SLC25A21: variants seen among roughly 807,000 people sequenced by gnomAD.
The protein encoded by SLC25A21 is mitochondrial 2-oxodicarboxylate carrier.
SLC25A21 carries 47 observed loss-of-function variants against 43.8 expected under a neutral mutation model. That is an observed-to-expected ratio of 1.07 (90% CI 0.85 to 1.37). The LOEUF (loss-of-function observed/expected upper bound fraction) is 1.37. Ranked by LOEUF, SLC25A21 falls within the 40% of genes most tolerant of loss-of-function variation. The pLI is 0.00. For synonymous variants in SLC25A21, 131 were observed against 121.3 expected, an observed-to-expected ratio of 1.08 and a Z score of -0.52; for missense variants, 352 against 350.2, an observed-to-expected ratio of 1.00 and a Z score of -0.04.
chr14:36,893,001 A>G (rs1891122438), intron 1 of SLC25A21, among the ~76,000 whole-genome samples: 2 of 152,178 alleles, frequency 1.3e-5, no homozygotes, highest in Admixed American at 6.5e-5. Flanking sequence ...TAGTGCTGCA[A>G]TAAACATACG....
At chr14:37,071,745 T>C (rs954765280) in intron 1 of SLC25A21, among the ~76,000 whole-genome samples, 2 of 152,224 alleles carry the variant, frequency 1.3e-5, no homozygotes, top group African/African-American at 4.8e-5. Flanking sequence ...GATTCAATTT[T>C]TTAAACTACT....
At chr14:36,749,486 T>C (rs1425218262) in intron 3 of SLC25A21, among the ~76,000 whole-genome samples, 1 of 152,168 alleles carries the variant, frequency 6.6e-6, no homozygotes, top group Non-Finnish European at 1.5e-5. Context: ...AGAATGCTCC[T>C]ATTAAAATAA....
chr14:36,809,068 G>T (rs1028749229), intron 3 of SLC25A21: 1 of 152,172 alleles, frequency 6.6e-6, no homozygotes, highest in Non-Finnish European at 1.5e-5. Flanking sequence ...GAAGTGAGGC[G>T]TGATGCATGG....
chr14:37,112,417 A>C (rs1220023770), intron 1 of SLC25A21, among the ~76,000 whole-genome samples: 1 of 152,226 alleles, frequency 6.6e-6, no homozygotes, highest in Non-Finnish European at 1.5e-5. Context: ...ATGAAGTAAC[A>C]AAAATCAGAA....
chr14:36,862,943 G>T (rs1890115281), intron 2 of SLC25A21, among the ~76,000 whole-genome samples: 1 of 152,118 alleles, frequency 6.6e-6, no homozygotes. Context: ...ATCTCATAGG[G>T]AAACTTGTGA....
At chr14:36,814,910 G>A (rs369127545) in intron 2 of SLC25A21, among the ~76,000 whole-genome samples, 9 of 152,156 alleles carry the variant, frequency 5.9e-5, no homozygotes, top group African/African-American at 2.2e-4. Flanking sequence ...CAAAGACTTG[G>A]AACCAACCCA....
chr14:37,142,695 G>T (rs1291271455), intron 1 of SLC25A21, among the ~76,000 whole-genome samples: 4 of 152,176 alleles, frequency 2.6e-5, no homozygotes, highest in Non-Finnish European at 4.4e-5. Flanking sequence ...ATGAATAGAA[G>T]TGACAGAAGA....
intron 2 of SLC25A21, among the ~76,000 whole-genome samples, chr14:36,822,566 G>GA (rs1888673553): frequency 6.6e-6 from 1 of 152,088 alleles, no homozygotes; most frequent in South Asian, 2.1e-4. Context: ...TTTATAATTT[G>GA]AAAAAATATG....
Position 36,751,597 on chromosome 14 carries a change from C to A in SLC25A21, c.204-17024G>T, listed in dbSNP as rs192480344. Among the ~76,000 whole-genome samples, 15 of 152,322 alleles carry A rather than the reference C, an allele frequency of 9.8e-5. No homozygotes were observed. In the East Asian group the frequency reaches 2.3e-3, roughly 23 times the overall value. ...TGGGGCTCTTTTTCCCCAAGGACTT[C>A]CACAATCCTCAGATATAATCTATAC... On this transcript the variant is annotated intron_variant, in intron 3 of 9. Transcript: ENST00000331299.
At chr14:36,735,793 G>A (rs1321184449) in intron 3 of SLC25A21, among the ~76,000 whole-genome samples, 1 of 146,902 alleles carries the variant, frequency 6.8e-6, no homozygotes, top group African/African-American at 2.6e-5. Flanking sequence ...GCACCCTTTG[G>A]GGTTCTTATC....
intron 7 of SLC25A21, among the ~76,000 whole-genome samples, chr14:36,689,755 A>C (rs1002393782): frequency 6.6e-6 from 1 of 152,216 alleles, no homozygotes; most frequent in Non-Finnish European, 1.5e-5. Flanking sequence ...AGACCAGTGA[A>C]TCTGGGAATG....
intron 1 of SLC25A21, among the ~76,000 whole-genome samples, chr14:36,958,780 C>T (rs1394636379): frequency 6.6e-6 from 1 of 152,134 alleles, no homozygotes; most frequent in East Asian, 1.9e-4. Flanking sequence ...TAAAAACTTA[C>T]ATGAGGCAGC....
chr14:37,047,550 A>AG (rs1251552864), intron 1 of SLC25A21, among the ~76,000 whole-genome samples: 3 of 152,226 alleles, frequency 2.0e-5, no homozygotes, highest in African/African-American at 7.2e-5. Context: ...AAAGTAATTA[A>AG]GTAAATGCTG....
chr14:36,849,185 T>C (rs1481670457), intron 2 of SLC25A21, among the ~76,000 whole-genome samples: 2 of 152,202 alleles, frequency 1.3e-5, no homozygotes, highest in African/African-American at 4.8e-5. Flanking sequence ...GAGTTTGAGT[T>C]TGCTATGGGC....
intron 1 of SLC25A21, among the ~76,000 whole-genome samples, chr14:36,958,720 T>C (rs949934723): frequency 1.2e-4 from 15 of 130,026 alleles, no homozygotes; most frequent in South Asian, 2.7e-4. Context: ...CACACACACA[T>C]GCAACAGAGC....
intron 1 of SLC25A21, among the ~76,000 whole-genome samples, chr14:36,970,348 T>C (rs551959812): frequency 1.9e-4 from 29 of 152,174 alleles, no homozygotes; most frequent in Middle Eastern, 6.3e-3. Context: ...CGTGAATGAA[T>C]AGATGAGCCT....
intron 1 of SLC25A21, among the ~76,000 whole-genome samples, chr14:36,902,340 A>G (rs531247625): frequency 2.6e-5 from 4 of 152,126 alleles, no homozygotes; most frequent in Admixed American, 6.6e-5. Flanking sequence ...GTGATTACAC[A>G]GGTAGGGTCA....
rs75728885 is a variant in SLC25A21 at position 37,107,376 on chromosome 14, T to G, written c.70+64905A>C. On this transcript the variant is annotated intron_variant, in intron 1 of 9. Coordinates refer to ENST00000331299, the MANE Select transcript of SLC25A21 (RefSeq NM_030631.4). ...TATTTTTTATTTTTTGGAAATGGGA[T>G]CTCAATAAGTTGCCCGCACTGGTCT... Among the ~76,000 whole-genome samples, 2,418 of 152,026 alleles carry G rather than the reference T, an allele frequency of 0.016. 181 individuals carry two copies. The East Asian group carries it at 0.26, about 16-fold the overall frequency.
At chr14:36,704,941 G>A (rs1381068667) in intron 7 of SLC25A21, among the ~76,000 whole-genome samples, 1 of 152,074 alleles carries the variant, frequency 6.6e-6, no homozygotes, top group East Asian at 1.9e-4. Flanking sequence ...ACAGAAAGTC[G>A]GGATATTTTT....
Sources: allele counts gnomAD v4.1 joint callset (sites outside exome capture counted in the v4.1 genomes callset), GRCh38; gene constraint gnomAD v4.1.1; transcripts MANE v1.5; gene names NCBI Gene and HGNC (gene_info 2026-07-23, HGNC 2026-07-21).